Variants in LSS observed in about 807,000 individuals in gnomAD.
LSS encodes lanosterol synthase.
Under a neutral mutation model 110.3 loss-of-function variants are expected in LSS, and 90 were observed. The observed-to-expected ratio is 0.82, with a 90% CI of 0.69 to 0.97. The LOEUF is 0.97. Among genes scored for constraint, LSS ranks in the 50% least tolerant of loss-of-function variants. LSS has a pLI of 0.00. For missense variants in LSS, 927 were observed against 990.0 expected (o/e 0.94, Z 0.85); for synonymous variants, 433 against 400.0 (o/e 1.08, Z -0.98).
At chr21:46,197,190 G>GTAA (rs925650816) in intron 17 of LSS, among the ~76,000 whole-genome samples, 22 of 152,202 alleles carry the variant, frequency 1.4e-4, no homozygotes, top group Non-Finnish European at 1.5e-5. Flanking sequence ...GTACAAATTA[G>GTAA]TAATATTAGC....
At chr21:46,192,149 C>T in intron 20 of LSS, 190 bp from the exon 21 acceptor site, 1 of 623,570 alleles carries the variant, frequency 1.6e-6, no homozygotes. Context: ...TCTTCCTAGG[C>T]TCCCTGAGAA....
At chr21:46,207,662 C>A in intron 14 of LSS, 85 bp from the exon 15 acceptor site, 1 of 1,463,088 alleles carries the variant, frequency 6.8e-7, no homozygotes. Flanking sequence ...GCATCCCTCC[C>A]CACCACAGAG....
At position 46,188,490 on chromosome 21, in the gene LSS, TCAGA is replaced by T; in HGVS notation, c.*2610_*2613del. 1 of 356,832 alleles carries T rather than the reference TCAGA, an allele frequency of 2.8e-6. No homozygotes were observed. Among genetic ancestry groups the T allele is most frequent in the Non-Finnish European group, 5.8e-6 (1 of 172,830 alleles). 22.1% of individuals were successfully genotyped at this position (356,832 alleles called of 1,614,324 possible). The stretch of plus-strand genomic sequence containing the variant: ...AATCACACTGAGGCAAATATCCCCC[TCAGA>T]CAGAGGCTGCACCGGTACAGCTGCC... On this transcript the variant is annotated 3_prime_UTR_variant, in exon 22 of 22. Transcript: ENST00000397728.
At chr21:46,198,546 T>C (rs1402035816) in intron 17 of LSS, among the ~76,000 whole-genome samples, 1 of 151,930 alleles carries the variant, frequency 6.6e-6, no homozygotes, top group African/African-American at 2.4e-5. Flanking sequence ...AAAATGTATA[T>C]GGAGAGGGAA....
In LSS at chr21:46,224,435, A is replaced by G. The variant is rs1425605669; in HGVS notation, c.320-1697T>C. Reference sequence around the variant, plus strand: ...CTTTGTCTTGCGTCTTTATTTCTACACTCTCTCATCGCCGCACACAGGGAG... The same window carrying G: ...CTTTGTCTTGCGTCTTTATTTCTACGCTCTCTCATCGCCGCACACAGGGAG... On this transcript the variant is annotated intron_variant, in intron 3 of 21. Transcript: ENST00000397728. 2.4e-4 allele frequency among the ~76,000 whole-genome samples: 36 copies of G among 151,582 alleles called. 1 individual carries two copies. The highest frequency in any genetic ancestry group is 2.4e-3 in the Admixed American group (36 of 15,214).
At chr21:46,192,117 GCCTC>G in intron 20 of LSS, 158 bp from the exon 21 acceptor site, 1 of 654,258 alleles carries the variant, frequency 1.5e-6, no homozygotes, top group Non-Finnish European at 2.8e-6. Flanking sequence ...TGCAGCCAGC[GCCTC>G]GGGCTCTTGC....
Position 46,209,812 on chromosome 21 carries a change from A to G in LSS, c.1195-187T>C, listed in dbSNP as rs535517097. On this transcript the variant is annotated intron_variant, in intron 12 of 21. Coordinates refer to ENST00000397728, the MANE Select transcript of LSS (RefSeq NM_002340.6). The surrounding 1 kb of genome is among the most constrained non-coding windows in gnomAD (Gnocchi z 4.4). ...TTTAAAGACAAAACAGCAAAAGTCC[A>G]TGAGATATGACTGAAGATGGAAGGG... Among the ~76,000 whole-genome samples, 3 of 152,230 alleles carry G rather than the reference A, an allele frequency of 2.0e-5. No individual in the cohort carries two copies. The highest frequency in any genetic ancestry group is 2.0e-4 in the Admixed American group (3 of 15,296).
chr21:46,207,575 AC>A lies in LSS; in HGVS notation c.1319del (p.Gly440ValfsTer22). ...YQKYYRQMRK[G>X]GFSFSTLDCG... The stretch of plus-strand genomic sequence containing the variant: ...AGTCCAGCGTACTGAAGGAGAAGCC[AC>A]CCTGCAGAGCACAAGCCATGACTCC... On this transcript the variant is annotated frameshift_variant and splice_region_variant, in exon 15 of 22. Coordinates refer to ENST00000397728, the MANE Select transcript of LSS (RefSeq NM_002340.6). 6.3e-7 allele frequency: 1 copy of A among 1,580,448 alleles called. No individual in the cohort carries two copies. Among genetic ancestry groups the A allele is most frequent in the Non-Finnish European group, 8.6e-7 (1 of 1,166,858 alleles).
intron 19 of LSS, 141 bp from the exon 20 acceptor site, chr21:46,194,802 C>T: frequency 2.7e-6 from 2 of 742,424 alleles, no homozygotes; most frequent in Non-Finnish European, 4.3e-6. Context: ...TGGGCCACTA[C>T]TGAAACCCGA....
At position 46,209,746 on chromosome 21, in the gene LSS, G is replaced by C; in HGVS notation, c.1195-121C>G. 1 of 767,388 alleles carries C rather than the reference G, an allele frequency of 1.3e-6. No individual in the cohort carries two copies. The highest frequency in any genetic ancestry group is 2.3e-5 in the Admixed American group (1 of 43,890). 47.5% of individuals were successfully genotyped at this position (767,388 alleles called of 1,614,324 possible). A position where few individuals can be genotyped will look rare whatever the true frequency, so the allele number is the denominator to read the frequency against. On this transcript the variant is annotated intron_variant, in intron 12 of 21. Transcript: ENST00000397728. The surrounding 1 kb of genome is among the most constrained non-coding windows in gnomAD (Gnocchi z 4.4). ...ACCGGGGACCAGAATCAAACCAGCA[G>C]ACATCTCCAGAGAGTGCCAGGGTCT...
Position 46,188,920 on chromosome 21 carries a change from T to C in LSS, c.*2184A>G, listed in dbSNP as rs1056387916. 7.8e-6 allele frequency: 3 copies of C among 385,986 alleles called. No homozygotes were observed. The highest frequency in any genetic ancestry group is 8.1e-4 in the Middle Eastern group (1 of 1,242). The allele number at this position is 385,986 out of a possible 1,614,324, so 23.9% of individuals were successfully genotyped here. On this transcript the variant is annotated 3_prime_UTR_variant, in exon 22 of 22. Transcript: ENST00000397728. ...GGATATGCTTATGGCCTTTAAAACA[T>C]ATTAAAATAGGCTATGCTATTATCT... is the stretch of plus-strand genomic sequence containing the variant.
chr21:46,190,263 G>T lies in LSS; in HGVS notation c.*841C>A. ...CCTGTGCATTTCTGTGTCCGTAAGTGTCCCCTGTGCATTTCTGTGTCCACA... is the reference window on the plus strand; with the variant it reads ...CCTGTGCATTTCTGTGTCCGTAAGTTTCCCCTGTGCATTTCTGTGTCCACA... On this transcript the variant is annotated 3_prime_UTR_variant, in exon 22 of 22. Transcript: ENST00000397728. The surrounding 1 kb of genome is among the most constrained non-coding windows in gnomAD (Gnocchi z 4.6). 5.8e-6 allele frequency: 1 copy of T among 173,008 alleles called. No homozygotes were observed. The allele number at this position is 173,008 out of a possible 1,614,324, so 10.7% of individuals were successfully genotyped here.
chr21:46,219,922 G>A (rs2080253936), intron 5 of LSS, among the ~76,000 whole-genome samples: 1 of 152,212 alleles, frequency 6.6e-6, no homozygotes, highest in African/African-American at 2.4e-5. Context: ...GGGCCCAGGT[G>A]CACATGCGCC....
chr21:46,216,612 C>T lies in LSS; in HGVS notation c.648-88G>A, dbSNP rs563755773. On this transcript the variant is annotated intron_variant, in intron 6 of 21. Transcript: ENST00000397728. The surrounding 1 kb of genome is among the most constrained non-coding windows in gnomAD (Gnocchi z 4.2). ...TCCATACCTTGGGCCCTTTCAAGCA[C>T]GAACACTGGTGGATGGCTATTCCCC... is the stretch of plus-strand genomic sequence containing the variant. 23 of 1,425,804 alleles carry T rather than the reference C, an allele frequency of 1.6e-5. No individual in the cohort carries two copies. The highest frequency in any genetic ancestry group is 7.2e-5 in the African/African-American group (5 of 69,666). The allele number at this position is 1,425,804 out of a possible 1,614,324, so 88.3% of individuals were successfully genotyped here. A position where few individuals can be genotyped will look rare whatever the true frequency, so the allele number is the denominator to read the frequency against.
At chr21:46,214,015 T>C (rs2080168535) in intron 9 of LSS, among the ~76,000 whole-genome samples, 180 bp from the exon 10 acceptor site, 1 of 152,354 alleles carries the variant, frequency 6.6e-6, no homozygotes, top group African/African-American at 2.4e-5. Context: ...GCAACAACTG[T>C]GTCCCCAGGA....
At chr21:46,198,660 T>C (rs1388995193) in intron 17 of LSS, among the ~76,000 whole-genome samples, 1 of 151,878 alleles carries the variant, frequency 6.6e-6, no homozygotes, top group Non-Finnish European at 1.5e-5. Context: ...ACCAAGACAG[T>C]GTGGGATTGC....
Position 46,221,607 on chromosome 21 carries a change from C to T in LSS, c.550+247G>A, listed in dbSNP as rs528276970. On this transcript the variant is annotated intron_variant, in intron 5 of 21. Coordinates refer to ENST00000397728, the MANE Select transcript of LSS (RefSeq NM_002340.6). ...TCTTAGGTTGAAGTGGTCCTTCTAC[C>T]TCAGTCTCCCAAAGTGCTGGAATTG... is the stretch of plus-strand genomic sequence containing the variant. 3.9e-5 allele frequency among the ~76,000 whole-genome samples: 6 copies of T among 152,356 alleles called. No individual in the cohort carries two copies. The East Asian group carries it at 1.2e-3, about 29-fold the overall frequency.
At chr21:46,223,411 G>T (rs2080301077) in intron 3 of LSS, among the ~76,000 whole-genome samples, 1 of 152,022 alleles carries the variant, frequency 6.6e-6, no homozygotes, top group Non-Finnish European at 1.5e-5. Context: ...CAGGTCTCAG[G>T]GCAGACCCCA....
chr21:46,213,640 C>T, intron 10 of LSS, 98 bp downstream of exon 10: 1 of 900,840 alleles, frequency 1.1e-6, no homozygotes. Flanking sequence ...TGGCAGTATT[C>T]CCAGATGGCA....
Sources: gnomAD v4.1 joint callset for allele counts (sites outside exome capture counted in the v4.1 genomes callset) on GRCh38, gnomAD v4.1.1 for gene constraint, Gnocchi (gnomAD v3.1) non-coding constraint, MANE v1.5 for transcripts, NCBI Gene and HGNC (gene_info 2026-07-23, HGNC 2026-07-21) for gene names.